Variants in STIM1 observed in about 807,000 individuals in gnomAD.
STIM1 encodes stromal interaction molecule 1.
A neutral mutation model predicts 74.7 loss-of-function variants in STIM1; 25 were observed. That is an observed-to-expected ratio of 0.33 (90% CI 0.24 to 0.47). STIM1 has a LOEUF of 0.47. Among genes scored for constraint, STIM1 ranks in the 20% least tolerant of loss-of-function variants. The probability of loss-of-function intolerance (pLI) is 1.00; values close to 1 mark genes in which losing one functional copy is unlikely to be tolerated. For missense variants in STIM1, 728 were observed against 920.8 expected (o/e 0.79, Z 2.71); for synonymous variants, 328 against 348.8 (o/e 0.94, Z 0.66).
At chr11:3,905,575 A>G (rs142228593) in intron 1 of STIM1, among the ~76,000 whole-genome samples, 3 of 152,278 alleles carry the variant, frequency 2.0e-5, no homozygotes, top group Non-Finnish European at 4.4e-5. Context: ...CTTGTCATTC[A>G]TAAGTAATCA....
intron 1 of STIM1, among the ~76,000 whole-genome samples, chr11:3,881,622 C>T (rs2091504766): frequency 6.6e-6 from 1 of 152,088 alleles, no homozygotes. Flanking sequence ...CTGCCCATCT[C>T]AGCCTCCCAA....
chr11:3,907,189 A>G (rs1284182990), intron 1 of STIM1, among the ~76,000 whole-genome samples: 2 of 152,176 alleles, frequency 1.3e-5, no homozygotes, highest in Non-Finnish European at 2.9e-5. Flanking sequence ...AGCTGGGGGA[A>G]AAAACGAACA....
chr11:3,924,497 T>C (rs2092763766), intron 1 of STIM1, among the ~76,000 whole-genome samples: 1 of 152,060 alleles, frequency 6.6e-6, no homozygotes, highest in South Asian at 2.1e-4. Context: ...TGTGCCTGGC[T>C]TTATATATCT....
intron 1 of STIM1, among the ~76,000 whole-genome samples, chr11:3,960,175 C>T (rs946431688): frequency 6.6e-6 from 1 of 151,948 alleles, no homozygotes; most frequent in African/African-American, 2.4e-5. Context: ...TCAGGCAGCA[C>T]TATCATTAGT....
At chr11:3,955,439 A>G (rs541250379) in intron 1 of STIM1, among the ~76,000 whole-genome samples, 1 of 152,278 alleles carries the variant, frequency 6.6e-6, no homozygotes, top group Non-Finnish European at 1.5e-5. Context: ...CTCGTCTATG[A>G]TGATACAAGT....
chr11:4,087,893 G>T (rs1360919623), intron 12 of STIM1, among the ~76,000 whole-genome samples: 1 of 151,166 alleles, frequency 6.6e-6, no homozygotes, highest in East Asian at 1.9e-4. Context: ...GCGGACATAG[G>T]TTTTGGGGTT....
chr11:3,925,125 G>A (rs757651923), intron 1 of STIM1, among the ~76,000 whole-genome samples: 15 of 152,028 alleles, frequency 9.9e-5, no homozygotes, highest in Non-Finnish European at 1.6e-4. Flanking sequence ...AGCTGGCTGC[G>A]GTGGCTCACG....
At chr11:3,912,822 C>T (rs1033807206) in intron 1 of STIM1, among the ~76,000 whole-genome samples, 1 of 152,210 alleles carries the variant, frequency 6.6e-6, no homozygotes, top group African/African-American at 2.4e-5. Flanking sequence ...TCCTTTGCAA[C>T]TAAGTGTGGC....
At chr11:3,966,434 G>A (rs2093341283) in intron 1 of STIM1, among the ~76,000 whole-genome samples, 1 of 152,160 alleles carries the variant, frequency 6.6e-6, no homozygotes, top group Non-Finnish European at 1.5e-5. Context: ...ATGGATTAGG[G>A]TATTTTAGGT....
chr11:3,923,390 C>T (rs565572418), intron 1 of STIM1, among the ~76,000 whole-genome samples: 3 of 152,200 alleles, frequency 2.0e-5, no homozygotes, highest in African/African-American at 4.8e-5. Context: ...AGGTGGATCA[C>T]TTGAGGCCAG....
intron 1 of STIM1, among the ~76,000 whole-genome samples, chr11:3,874,600 T>C (rs2135286491): frequency 6.6e-6 from 1 of 152,370 alleles, no homozygotes; most frequent in Non-Finnish European, 1.5e-5. Context: ...TTTAAGCCGC[T>C]AAGTTCTCAT....
At chr11:3,876,690 A>G (rs570758767) in intron 1 of STIM1, among the ~76,000 whole-genome samples, 10 of 150,470 alleles carry the variant, frequency 6.6e-5, no homozygotes, top group African/African-American at 2.4e-4. Context: ...ATTATGGGCC[A>G]CTGGGTCTGG....
chr11:3,890,182 T>C (rs943459355), intron 1 of STIM1, among the ~76,000 whole-genome samples: 1 of 152,210 alleles, frequency 6.6e-6, no homozygotes, highest in African/African-American at 2.4e-5. Flanking sequence ...TTACCCTCTC[T>C]GGACCTTAGT....
chr11:3,881,614 G>A (rs1411046620), intron 1 of STIM1, among the ~76,000 whole-genome samples: 1 of 152,046 alleles, frequency 6.6e-6, no homozygotes, highest in African/African-American at 2.4e-5. Context: ...CTCATGATCT[G>A]CCCATCTCAG....
rs1472693457 is a variant in STIM1, at chr11:4,092,632, C to T, written c.*834C>T. On this transcript the variant is annotated 3_prime_UTR_variant, in exon 13 of 13. Coordinates refer to ENST00000526596, the MANE Select transcript of STIM1 (RefSeq NM_001382567.1). ...TGCTGCCCCAAAGCTCCCCAAGCATCAATACTCCTAGGGCTCAGGACAAGT... is the reference window on the plus strand; with the variant it reads ...TGCTGCCCCAAAGCTCCCCAAGCATTAATACTCCTAGGGCTCAGGACAAGT... 1 of 152,332 alleles carries T rather than the reference C, an allele frequency of 6.6e-6. No homozygotes were observed. The highest frequency in any genetic ancestry group is 6.5e-5 in the Admixed American group (1 of 15,290). The allele number at this position is 152,332 out of a possible 1,614,324, so 9.4% of individuals were successfully genotyped here. A position where few individuals can be genotyped will look rare whatever the true frequency, so the allele number is the denominator to read the frequency against.
chr11:4,090,176 A>T lies in STIM1; in HGVS notation c.1635-1106A>T, dbSNP rs139734610. ...AGGCCTCATCATCTTCATTCCCACAATAATTTCTACATTTCCAAGTGCTTT... is the reference window on the plus strand; with the variant it reads ...AGGCCTCATCATCTTCATTCCCACATTAATTTCTACATTTCCAAGTGCTTT... On this transcript the variant is annotated intron_variant, in intron 12 of 12. Transcript: ENST00000526596. 3.8e-3 allele frequency among the ~76,000 whole-genome samples: 571 copies of T among 152,246 alleles called. 2 individuals carry two copies. In the South Asian group the frequency reaches 0.042, roughly 11 times the overall value.
chr11:4,053,072 C>T (rs909826982), intron 3 of STIM1, among the ~76,000 whole-genome samples: 8 of 152,150 alleles, frequency 5.3e-5, no homozygotes, highest in Non-Finnish European at 1.2e-4. Context: ...ATTAAAAAGT[C>T]AGGAAACAAC....
intron 1 of STIM1, among the ~76,000 whole-genome samples, chr11:3,857,973 G>A (rs2090449893): frequency 6.6e-6 from 1 of 152,204 alleles, no homozygotes; most frequent in African/African-American, 2.4e-5. Flanking sequence ...TTGAGACCTG[G>A]CTGAAAGCTT....
rs538179227 is a variant in STIM1, at chr11:3,871,209, C to T, written c.139+14800C>T. On this transcript the variant is annotated intron_variant, in intron 1 of 12. Transcript: ENST00000526596. ...GACCAGAGAGAAGATGATTAATATC[C>T]CCTTCCCTCAGGGTCTTCTGCCAAC... is the stretch of plus-strand genomic sequence containing the variant. 5.3e-5 allele frequency among the ~76,000 whole-genome samples: 8 copies of T among 152,226 alleles called. No homozygotes were observed. The South Asian group carries it at 1.0e-3, about 20-fold the overall frequency.
Sources: gnomAD v4.1 joint callset for allele counts (sites outside exome capture counted in the v4.1 genomes callset) on GRCh38, gnomAD v4.1.1 for gene constraint, MANE v1.5 for transcripts, NCBI Gene and HGNC (gene_info 2026-07-23, HGNC 2026-07-21) for gene names.